HIBCH: variants seen among roughly 807,000 people sequenced by gnomAD.
HIBCH encodes the protein 3-hydroxyisobutyryl-CoA hydrolase, mitochondrial.
Under a neutral mutation model 58.2 loss-of-function variants are expected in HIBCH, and 50 were observed. The ratio of observed to expected loss-of-function variants is 0.86; its 90% CI spans 0.68 to 1.09. The LOEUF (loss-of-function observed/expected upper bound fraction) is 1.09. Ranked by LOEUF, HIBCH falls within the 50% of genes least tolerant of loss-of-function variation. HIBCH has a pLI of 0.00. For missense variants in HIBCH, 450 were observed against 449.7 expected, an observed-to-expected ratio of 1.00 and a Z score of -0.01; for synonymous variants, 151 against 146.9, an observed-to-expected ratio of 1.03 and a Z score of -0.20.
At chr2:190,258,051 T>C (rs935959083) in intron 7 of HIBCH, among the ~76,000 whole-genome samples, 4 of 152,132 alleles carry the variant, frequency 2.6e-5, no homozygotes, top group African/African-American at 9.7e-5. Flanking sequence ...TGAATTGTAA[T>C]CCCCAGTGTC....
At chr2:190,238,609 T>C (rs1219971748) in intron 11 of HIBCH, among the ~76,000 whole-genome samples, 1 of 152,152 alleles carries the variant, frequency 6.6e-6, no homozygotes, top group Admixed American at 6.5e-5. Context: ...GGATTATATA[T>C]GCACTCTACC....
downstream of HIBCH, among the ~76,000 whole-genome samples, chr2:190,203,646 G>A (rs1268222868): frequency 6.6e-6 from 1 of 152,036 alleles, no homozygotes; most frequent in African/African-American, 2.4e-5. Context: ...GTCCAATTTA[G>A]GACCTTTAAG....
Position 190,211,707 on chromosome 2 carries a change from G to C in HIBCH, c.1011+1249C>G, listed in dbSNP as rs1393520216. Among the ~76,000 whole-genome samples, 1 of 152,092 alleles carries C rather than the reference G, an allele frequency of 6.6e-6. No individual in the cohort carries two copies. Among genetic ancestry groups the C allele is most frequent in the Non-Finnish European group, 1.5e-5 (1 of 68,016 alleles). ...CACCAACCCTGTATGTTTTCCTTTAGAGTACTTATCACAATTTATAATTAT... is the reference window on the plus strand; with the variant it reads ...CACCAACCCTGTATGTTTTCCTTTACAGTACTTATCACAATTTATAATTAT... On this transcript the variant is annotated intron_variant, in intron 12 of 13. Transcript: ENST00000359678. This position sits in a 1 kb window ranked among gnomAD's most constrained non-coding sequence, Gnocchi z 5.0.
intron 6 of HIBCH, among the ~76,000 whole-genome samples, chr2:190,269,046 T>C (rs992943947): frequency 4.0e-4 from 61 of 152,260 alleles, no homozygotes; most frequent in Middle Eastern, 6.8e-3. Flanking sequence ...AAACAGAAAC[T>C]GGACCGCTCT....
At chr2:190,287,833 TATC>T (rs1268111253) in intron 5 of HIBCH, among the ~76,000 whole-genome samples, 195 bp from the exon 6 acceptor site, 1 of 152,172 alleles carries the variant, frequency 6.6e-6, no homozygotes, top group Non-Finnish European at 1.5e-5. Context: ...ATCTATTCAT[TATC>T]ATTTAACAAC....
At chr2:190,203,193 T>A (rs1169780333), downstream of HIBCH, 4 of 167,068 alleles carry the variant, frequency 2.4e-5, no homozygotes, top group Non-Finnish European at 2.9e-5. Flanking sequence ...AGAGACTCTT[T>A]ATAAGTAATG....
downstream of HIBCH, chr2:190,201,862 T>G (rs1690253759): frequency 6.0e-6 from 1 of 167,036 alleles, no homozygotes; most frequent in Non-Finnish European, 1.5e-5. Context: ...TTCCAGGTCA[T>G]GAAGAGTAGT....
intron 6 of HIBCH, among the ~76,000 whole-genome samples, chr2:190,285,025 T>A (rs1420884459): frequency 6.6e-6 from 1 of 152,216 alleles, no homozygotes; most frequent in African/African-American, 2.4e-5. Flanking sequence ...TTCATTTTCA[T>A]CACTTATATA....
In HIBCH at chr2:190,243,545, C is replaced by T. The variant is rs188285379; in HGVS notation, c.891+1342G>A. Among the ~76,000 whole-genome samples, 57 of 152,264 alleles carry T rather than the reference C, an allele frequency of 3.7e-4. No homozygotes were observed. Among genetic ancestry groups the T allele is most frequent in the African/African-American group, 1.3e-3 (52 of 41,562 alleles). ...GGAAGTTGTTAATATTAACAATCTA[C>T]TTTTGTGAGTTAGGCAAATAAATGG... is the stretch of plus-strand genomic sequence containing the variant. On this transcript the variant is annotated intron_variant, in intron 11 of 13. Coordinates refer to ENST00000359678, the MANE Select transcript of HIBCH (RefSeq NM_014362.4). This position sits in a 1 kb window ranked among gnomAD's most constrained non-coding sequence, Gnocchi z 4.1.
chr2:190,314,329 GTA>G (rs1255478510), intron 1 of HIBCH, among the ~76,000 whole-genome samples: 470 of 3,438 alleles, frequency 0.14, 11 homozygotes, highest in Middle Eastern at 0.17. Context: ...ATGTATATAT[GTA>G]TATATACATA....
At chr2:190,316,776 T>C (rs1275011288) in intron 1 of HIBCH, among the ~76,000 whole-genome samples, 4 of 152,180 alleles carry the variant, frequency 2.6e-5, no homozygotes, top group African/African-American at 9.7e-5. Flanking sequence ...AGATTGAGCC[T>C]TTGATCAACT....
rs1299288036 is a variant in HIBCH at position 190,304,379 on chromosome 2, A to T, written c.78+6375T>A. ...ACTCTGCAGAGACCCAAGGAGGTAC[A>T]GGGCATCATATGTCAAGGAAGCTAA... On this transcript the variant is annotated intron_variant, in intron 2 of 13. Transcript: ENST00000359678. The surrounding 1 kb of genome is among the most constrained non-coding windows in gnomAD (Gnocchi z 4.1). Among the ~76,000 whole-genome samples the T allele has an allele frequency of 6.6e-6, 1 of 152,144 alleles. No homozygotes were observed. Among genetic ancestry groups the T allele is most frequent in the Admixed American group, 6.5e-5 (1 of 15,272 alleles).
At position 190,296,968 on chromosome 2, in the gene HIBCH, A is replaced by G. The variant is rs1461675077; in HGVS notation, c.79-15T>C. The G allele has an allele frequency of 6.2e-7, 1 of 1,613,578 alleles. No individual in the cohort carries two copies. Among genetic ancestry groups the G allele is most frequent in the Non-Finnish European group, 8.5e-7 (1 of 1,179,560 alleles). On this transcript the variant is annotated splice_polypyrimidine_tract_variant and intron_variant, in intron 2 of 13. Coordinates refer to ENST00000359678, the MANE Select transcript of HIBCH (RefSeq NM_014362.4). Reference sequence around the variant, plus strand: ...TTGGACATTCTCTGTATAAACAAAGAATAACTTTATGACAAAATTTCTTAA... The same window carrying G: ...TTGGACATTCTCTGTATAAACAAAGGATAACTTTATGACAAAATTTCTTAA...
intron 4 of HIBCH, among the ~76,000 whole-genome samples, chr2:190,293,116 T>C (rs1198153155): frequency 6.6e-6 from 1 of 152,104 alleles, no homozygotes; most frequent in African/African-American, 2.4e-5. Flanking sequence ...ACTCAATACA[T>C]AAAGCTCTGC....
intron 11 of HIBCH, among the ~76,000 whole-genome samples, chr2:190,234,639 C>A (rs898633139): frequency 6.6e-6 from 1 of 152,078 alleles, no homozygotes; most frequent in Non-Finnish European, 1.5e-5. Flanking sequence ...CAACTGAGGT[C>A]AGGAGTTCAA....
intron 4 of HIBCH, 90 bp from the exon 5 acceptor site, chr2:190,290,575 G>T: frequency 1.2e-6 from 1 of 828,402 alleles, no homozygotes; most frequent in South Asian, 1.5e-5. Flanking sequence ...TTAAATACTG[G>T]GGGAAGGGAG....
intron 6 of HIBCH, among the ~76,000 whole-genome samples, chr2:190,286,632 T>C (rs1241189735): frequency 6.6e-6 from 1 of 152,228 alleles, no homozygotes; most frequent in Non-Finnish European, 1.5e-5. Context: ...GTCAGTACCA[T>C]ACAATTTACC....
chr2:190,280,563 T>C (rs956362227), intron 6 of HIBCH, among the ~76,000 whole-genome samples: 1 of 152,314 alleles, frequency 6.6e-6, no homozygotes, highest in African/African-American at 2.4e-5. Flanking sequence ...GGCCCAAGCA[T>C]GTGCATTTAG....
intron 2 of HIBCH, among the ~76,000 whole-genome samples, chr2:190,309,043 T>G (rs1688486376): frequency 6.6e-6 from 1 of 152,180 alleles, no homozygotes; most frequent in Admixed American, 6.5e-5. Context: ...TTTCTAGATT[T>G]TGGAAAATAG....
Sources: gnomAD v4.1 joint callset for allele counts (sites outside exome capture counted in the v4.1 genomes callset) on GRCh38, gnomAD v4.1.1 for gene constraint, Gnocchi (gnomAD v3.1) non-coding constraint, MANE v1.5 for transcripts, NCBI Gene and HGNC (gene_info 2026-07-23, HGNC 2026-07-21) for gene names.